Variants in HS3ST4 observed in about 807,000 individuals in gnomAD.
The protein encoded by HS3ST4 is heparan sulfate glucosamine 3-O-sulfotransferase 4.
In HS3ST4, 17 loss-of-function variants were observed where a neutral mutation model predicts 29.2. The ratio of observed to expected loss-of-function variants is 0.58; its 90% CI spans 0.40 to 0.87. HS3ST4 has a LOEUF of 0.87. Ranked by LOEUF, HS3ST4 falls within the 40% of genes least tolerant of loss-of-function variation. HS3ST4 has a pLI of 0.00. For synonymous variants in HS3ST4, 314 were observed against 285.7 expected (o/e 1.10, Z -1.00); for missense variants, 627 against 634.5 (o/e 0.99, Z 0.13).
chr16:26,090,871 C>T (rs565233705), intron 1 of HS3ST4, among the ~76,000 whole-genome samples: 3 of 152,202 alleles, frequency 2.0e-5, no homozygotes, highest in East Asian at 1.9e-4. Flanking sequence ...TTGCAAGAAG[C>T]CCATAGTGGG....
intron 1 of HS3ST4, among the ~76,000 whole-genome samples, chr16:25,946,275 G>A (rs1968625588): frequency 6.6e-6 from 1 of 152,172 alleles, no homozygotes; most frequent in Admixed American, 6.5e-5. Context: ...CACATAGATT[G>A]GCCATATTGC....
intron 1 of HS3ST4, among the ~76,000 whole-genome samples, chr16:26,053,048 C>G (rs1184010058): frequency 6.6e-6 from 1 of 152,220 alleles, no homozygotes; most frequent in Non-Finnish European, 1.5e-5. Context: ...TAGCGTAAGT[C>G]CTGGGTCTCT....
At chr16:26,024,656 C>CA (rs936148384) in intron 1 of HS3ST4, among the ~76,000 whole-genome samples, 6 of 152,106 alleles carry the variant, frequency 3.9e-5, no homozygotes, top group Non-Finnish European at 8.8e-5. Flanking sequence ...CGCATGAACC[C>CA]AGGAGGCAGA....
rs1432053630 is a variant in HS3ST4 at position 26,108,701 on chromosome 16, AT to A, written c.735-26910del. Among the ~76,000 whole-genome samples, 4 of 152,234 alleles carry A rather than the reference AT, an allele frequency of 2.6e-5. No individual in the cohort carries two copies. The East Asian group carries it at 5.8e-4, about 22-fold the overall frequency. ...AAGCTTTTGGAATAGTAAGATCTTA[AT>A]AAATGTGAATGTCTAACAATTGTTG... On this transcript the variant is annotated intron_variant, in intron 1 of 1. Transcript: ENST00000331351.
chr16:25,965,142 G>C (rs1968830953), intron 1 of HS3ST4, among the ~76,000 whole-genome samples: 1 of 152,104 alleles, frequency 6.6e-6, no homozygotes. Context: ...AGCTCGGGAG[G>C]TGCGGGTGGG....
At chr16:26,126,380 C>T (rs891893512) in intron 1 of HS3ST4, among the ~76,000 whole-genome samples, 1 of 152,190 alleles carries the variant, frequency 6.6e-6, no homozygotes, top group Admixed American at 6.6e-5. Context: ...ATAATGATAG[C>T]AAACACTTAT....
intron 1 of HS3ST4, among the ~76,000 whole-genome samples, chr16:26,029,307 A>G (rs1969509865): frequency 6.6e-6 from 1 of 152,188 alleles, no homozygotes; most frequent in Non-Finnish European, 1.5e-5. Flanking sequence ...GGGGCCCTGC[A>G]CTTGGACGGT....
At chr16:25,913,875 G>T (rs1245312059) in intron 1 of HS3ST4, among the ~76,000 whole-genome samples, 1 of 148,548 alleles carries the variant, frequency 6.7e-6, no homozygotes, top group African/African-American at 2.5e-5. Flanking sequence ...GGGGGTGTGT[G>T]TGGGGTATAG....
intron 1 of HS3ST4, among the ~76,000 whole-genome samples, chr16:26,110,191 C>A (rs1256121604): frequency 6.6e-6 from 1 of 152,144 alleles, no homozygotes; most frequent in Non-Finnish European, 1.5e-5. Flanking sequence ...ATAATGTCCT[C>A]CAGGTTCATC....
chr16:25,875,317 G>A (rs956802327), intron 1 of HS3ST4, among the ~76,000 whole-genome samples: 30 of 152,254 alleles, frequency 2.0e-4, no homozygotes, highest in Admixed American at 8.5e-4. Context: ...GAGGGAAGGA[G>A]CAGTGCTTTT....
chr16:26,135,807 C>A lies in HS3ST4; in HGVS notation c.930C>A (p.Thr310=). ...TGTCAAAGAAACCCGAGATCCCCACCTTTGAGGTGCTGGCCTTCAAAAACC... is the reference window on the plus strand; with the variant it reads ...TGTCAAAGAAACCCGAGATCCCCACATTTGAGGTGCTGGCCTTCAAAAACC... ...QTLSKKPEIP[T]FEVLAFKNRT... is the part of the protein sequence containing the mutation. The change falls in exon 2 of 2, where the codon ACC becomes ACA. Residue 310 remains threonine (T), a synonymous_variant. Coordinates refer to ENST00000331351, the MANE Select transcript of HS3ST4 (RefSeq NM_006040.3). The A allele has an allele frequency of 6.2e-7, 1 of 1,614,082 alleles. No homozygotes were observed. The highest frequency in any genetic ancestry group is 8.5e-7 in the Non-Finnish European group (1 of 1,179,934).
intron 1 of HS3ST4, among the ~76,000 whole-genome samples, chr16:25,892,982 AT>A (rs1273941626): frequency 6.6e-6 from 1 of 152,176 alleles, no homozygotes; most frequent in Non-Finnish European, 1.5e-5. Context: ...AAGAGAATAG[AT>A]TTGGGTAAGG....
At chr16:25,850,648 C>T (rs1292304871) in intron 1 of HS3ST4, among the ~76,000 whole-genome samples, 1 of 152,198 alleles carries the variant, frequency 6.6e-6, no homozygotes, top group Non-Finnish European at 1.5e-5. Flanking sequence ...ACAATTGCTG[C>T]AGCTATTCTT....
At chr16:25,702,975 G>A (rs12444877) in intron 1 of HS3ST4, among the ~76,000 whole-genome samples, 102,969 of 151,912 alleles carry the variant, frequency 0.68, 35,204 homozygotes, top group Non-Finnish European at 0.71. Context: ...CCTGGCTCAC[G>A]TGGTGAAACC....
At chr16:25,895,898 G>A (rs1430492096) in intron 1 of HS3ST4, among the ~76,000 whole-genome samples, 1 of 152,036 alleles carries the variant, frequency 6.6e-6, no homozygotes, top group African/African-American at 2.4e-5. Flanking sequence ...AATTTCAAGG[G>A]GACACAAATA....
At chr16:26,126,348 C>T (rs1057189241) in intron 1 of HS3ST4, among the ~76,000 whole-genome samples, 1 of 152,214 alleles carries the variant, frequency 6.6e-6, no homozygotes, top group African/African-American at 2.4e-5. Flanking sequence ...CAGGTTGTCT[C>T]AGTGGTATAA....
At chr16:26,017,582 C>T (rs1416638364) in intron 1 of HS3ST4, among the ~76,000 whole-genome samples, 1 of 152,166 alleles carries the variant, frequency 6.6e-6, no homozygotes, top group Non-Finnish European at 1.5e-5. Flanking sequence ...TTCATGGTAG[C>T]ACTGTACCAA....
intron 1 of HS3ST4, among the ~76,000 whole-genome samples, chr16:25,710,941 T>G (rs766113281): frequency 1.3e-4 from 20 of 149,508 alleles, no homozygotes; most frequent in Non-Finnish European, 3.0e-4. Flanking sequence ...CTCAGCCTCC[T>G]GAGTACCTGG....
chr16:26,135,362 G>A (rs1446134576), intron 1 of HS3ST4, among the ~76,000 whole-genome samples: 1 of 152,104 alleles, frequency 6.6e-6, no homozygotes, highest in South Asian at 2.1e-4. Context: ...CTGGTAAGAG[G>A]TAGAATAGCC....
Sources: gnomAD v4.1 joint callset for allele counts (sites outside exome capture counted in the v4.1 genomes callset) on GRCh38, gnomAD v4.1.1 for gene constraint, MANE v1.5 for transcripts, NCBI Gene and HGNC (gene_info 2026-07-23, HGNC 2026-07-21) for gene names.